SIL1: variants seen among roughly 807,000 people sequenced by gnomAD.
The protein encoded by SIL1 is nucleotide exchange factor SIL1.
Under a neutral mutation model 49.1 loss-of-function variants are expected in SIL1, and 40 were observed. The observed-to-expected ratio is 0.81, with a 90% CI of 0.63 to 1.06. The LOEUF (loss-of-function observed/expected upper bound fraction) is 1.06, where lower values mean the gene tolerates loss of function less well. SIL1 is among the 50% of genes least tolerant of loss of function. SIL1 has a pLI of 0.00. For missense variants in SIL1, 500 were observed against 572.6 expected, an observed-to-expected ratio of 0.87 and a Z score of 1.29; for synonymous variants, 253 against 250.8, an observed-to-expected ratio of 1.01 and a Z score of -0.08.
intron 7 of SIL1, among the ~76,000 whole-genome samples, chr5:138,991,378 A>G (rs1315179240): frequency 6.6e-6 from 1 of 152,256 alleles, no homozygotes; most frequent in Non-Finnish European, 1.5e-5. Context: ...CAGCATGGGA[A>G]GTCAGTCTTA....
intron 3 of SIL1, among the ~76,000 whole-genome samples, chr5:139,114,838 C>T (rs1770953057): frequency 6.6e-6 from 1 of 152,226 alleles, no homozygotes; most frequent in Non-Finnish European, 1.5e-5. Flanking sequence ...GCCCCTGCCC[C>T]ACATTTCCAG....
At chr5:139,056,280 G>C (rs1284144224) in intron 3 of SIL1, among the ~76,000 whole-genome samples, 1 of 151,008 alleles carries the variant, frequency 6.6e-6, no homozygotes, top group African/African-American at 2.4e-5. Flanking sequence ...GTCTCTGCCC[G>C]GCCGCCCATC....
At chr5:138,952,531 G>T (rs1215790906) in intron 7 of SIL1, among the ~76,000 whole-genome samples, 2 of 152,226 alleles carry the variant, frequency 1.3e-5, no homozygotes, top group Non-Finnish European at 2.9e-5. Context: ...CAGCTTCTCT[G>T]CCCTGTATTC....
chr5:139,191,457 C>G (rs1468687235), intron 1 of SIL1, among the ~76,000 whole-genome samples: 1 of 151,778 alleles, frequency 6.6e-6, no homozygotes, highest in Non-Finnish European at 1.5e-5. Flanking sequence ...TGAGACTATC[C>G]CCAGAGGTAA....
At chr5:139,027,732 T>G (rs184477733) in intron 5 of SIL1, among the ~76,000 whole-genome samples, 1 of 152,342 alleles carries the variant, frequency 6.6e-6, no homozygotes, top group East Asian at 1.9e-4. Context: ...CTTCCCAATT[T>G]GAGAAGATAG....
chr5:138,998,109 T>C (rs1767909726), intron 7 of SIL1, among the ~76,000 whole-genome samples: 1 of 152,212 alleles, frequency 6.6e-6, no homozygotes, highest in South Asian at 2.1e-4. Flanking sequence ...CTTTCCATTT[T>C]TGTGTGTCCT....
At chr5:138,973,201 TAAAAAAA>T (rs5871690) in intron 7 of SIL1, among the ~76,000 whole-genome samples, 11 of 105,374 alleles carry the variant, frequency 1.0e-4, no homozygotes, top group African/African-American at 1.5e-4. Flanking sequence ...TTGAAGTATT[TAAAAAAA>T]AAAAAAAAAA....
chr5:139,114,263 G>A (rs938525600), intron 3 of SIL1, among the ~76,000 whole-genome samples: 1 of 152,196 alleles, frequency 6.6e-6, no homozygotes, highest in Admixed American at 6.5e-5. Flanking sequence ...GCTCTCCCAG[G>A]GGGCTGTGGG....
At chr5:139,133,030 G>A (rs1276598005) in intron 1 of SIL1, among the ~76,000 whole-genome samples, 1 of 150,414 alleles carries the variant, frequency 6.6e-6, no homozygotes, top group Non-Finnish European at 1.5e-5. Flanking sequence ...ATAAACTCTG[G>A]GTTCACCTGA....
chr5:139,179,547 C>T (rs1751945651), intron 1 of SIL1, among the ~76,000 whole-genome samples: 1 of 152,092 alleles, frequency 6.6e-6, no homozygotes, highest in Non-Finnish European at 1.5e-5. Flanking sequence ...CTTCTCCTTA[C>T]CCTTCTCTTA....
At chr5:139,013,546 A>G (rs1038188359) in intron 7 of SIL1, 2 of 151,442 alleles carry the variant, frequency 1.3e-5, no homozygotes, top group South Asian at 2.1e-4. Flanking sequence ...GCTTTCCATT[A>G]TATTTGCTTT....
chr5:138,997,145 G>A, intron 7 of SIL1, among the ~76,000 whole-genome samples: 1 of 151,996 alleles, frequency 6.6e-6, no homozygotes, highest in East Asian at 1.9e-4. Flanking sequence ...GCCCAGGCTG[G>A]TCTCAAACCC....
intron 3 of SIL1, among the ~76,000 whole-genome samples, chr5:139,064,422 G>A (rs1227708385): frequency 6.6e-6 from 1 of 152,210 alleles, no homozygotes; most frequent in Non-Finnish European, 1.5e-5. Context: ...GGCAGATGGA[G>A]CAACAGGTAC....
intron 1 of SIL1, among the ~76,000 whole-genome samples, chr5:139,172,365 G>C (rs1156553467): frequency 6.6e-6 from 1 of 152,198 alleles, no homozygotes; most frequent in Admixed American, 6.5e-5. Context: ...CAGGCATGAT[G>C]GCTGATGCCT....
At chr5:139,155,991 C>T (rs1312571568) in intron 1 of SIL1, among the ~76,000 whole-genome samples, 2 of 152,122 alleles carry the variant, frequency 1.3e-5, no homozygotes, top group Non-Finnish European at 2.9e-5. Context: ...CACCACCATG[C>T]CCGGCTAACT....
At chr5:139,105,269 A>G (rs1038849884) in intron 3 of SIL1, among the ~76,000 whole-genome samples, 1 of 152,222 alleles carries the variant, frequency 6.6e-6, no homozygotes, top group Non-Finnish European at 1.5e-5. Flanking sequence ...TTCTAATGCC[A>G]GAACAGCCTC....
intron 3 of SIL1, among the ~76,000 whole-genome samples, chr5:139,070,602 A>C (rs182876090): frequency 1.1e-4 from 16 of 152,338 alleles, no homozygotes; most frequent in Non-Finnish European, 2.2e-4. Flanking sequence ...AAACTATCAA[A>C]GACTATTAGA....
intron 1 of SIL1, among the ~76,000 whole-genome samples, chr5:139,189,528 T>C (rs1235498759): frequency 1.3e-5 from 2 of 152,252 alleles, no homozygotes; most frequent in Non-Finnish European, 2.9e-5. Flanking sequence ...CATACTATAA[T>C]GTAATAATAA....
At chr5:139,188,016 T>G (rs1752106418) in intron 1 of SIL1, 1 of 152,992 alleles carries the variant, frequency 6.5e-6, no homozygotes, top group Non-Finnish European at 1.5e-5. Flanking sequence ...GCCATGATGG[T>G]AAGTTTCCTG....
Sources: allele counts gnomAD v4.1 joint callset (sites outside exome capture counted in the v4.1 genomes callset), GRCh38; gene constraint gnomAD v4.1.1; transcripts MANE v1.5; gene names NCBI Gene and HGNC (gene_info 2026-07-23, HGNC 2026-07-21).